Variants in UBE2E2 observed in about 807,000 individuals in gnomAD.
UBE2E2 encodes ubiquitin conjugating enzyme E2 E2.
UBE2E2 carries 6 observed loss-of-function variants against 24.7 expected under a neutral mutation model. That is an observed-to-expected ratio of 0.24 (90% CI 0.13 to 0.48). The LOEUF is 0.48. Among genes scored for constraint, UBE2E2 ranks in the 20% least tolerant of loss-of-function variants. The probability of loss-of-function intolerance (pLI) is 0.99; values close to 1 mark genes in which losing one functional copy is unlikely to be tolerated. For missense variants in UBE2E2, 169 were observed against 245.0 expected (o/e 0.69, Z 2.07); for synonymous variants, 104 against 83.6 (o/e 1.24, Z -1.33).
intron 3 of UBE2E2, among the ~76,000 whole-genome samples, chr3:23,221,917 T>G (rs539625388): frequency 1.8e-4 from 27 of 152,326 alleles, no homozygotes; most frequent in African/African-American, 6.0e-4. Context: ...AAAATATACA[T>G]ACATGATTTA....
intron 3 of UBE2E2, among the ~76,000 whole-genome samples, chr3:23,224,363 A>T (rs1240191641): frequency 1.3e-5 from 2 of 151,276 alleles, no homozygotes; most frequent in Non-Finnish European, 2.9e-5. Flanking sequence ...TCTTTGTATG[A>T]GTCTTTCACT....
At chr3:23,545,215 G>T (rs182031970) in intron 5 of UBE2E2, among the ~76,000 whole-genome samples, 27 of 152,180 alleles carry the variant, frequency 1.8e-4, no homozygotes, top group African/African-American at 6.0e-4. Context: ...ACCCTTTACG[G>T]GTGTCGGGCT....
chr3:23,203,284 C>T, upstream of UBE2E2: 1 of 987,732 alleles, frequency 1.0e-6, no homozygotes, highest in Non-Finnish European at 1.2e-6. Context: ...CGGGCGCGAG[C>T]GCGGCGGGGA....
At chr3:23,513,749 G>A (rs1694662907) in intron 4 of UBE2E2, among the ~76,000 whole-genome samples, 1 of 152,028 alleles carries the variant, frequency 6.6e-6, no homozygotes, top group Non-Finnish European at 1.5e-5. Context: ...TTATGAATCT[G>A]ATATAAATAA....
At chr3:23,303,187 C>T (rs1274097886) in intron 3 of UBE2E2, among the ~76,000 whole-genome samples, 1 of 152,028 alleles carries the variant, frequency 6.6e-6, no homozygotes, top group Non-Finnish European at 1.5e-5. Context: ...TGATCTGTCA[C>T]TGTCTCCCGT....
chr3:23,420,583 C>T lies in UBE2E2; in HGVS notation c.228-79025C>T, dbSNP rs76952110. Among the ~76,000 whole-genome samples the T allele has an allele frequency of 6.5e-4, 99 of 152,294 alleles. 5 individuals carry two copies. The East Asian group carries it at 0.016, about 24-fold the overall frequency. ...TAATGTCAGTGACTGTTTCTTGTATCTGTACTGTAAGGACAAATGCTGTTC... is the reference window on the plus strand; with the variant it reads ...TAATGTCAGTGACTGTTTCTTGTATTTGTACTGTAAGGACAAATGCTGTTC... On this transcript the variant is annotated intron_variant, in intron 3 of 5. Coordinates refer to ENST00000396703, the MANE Select transcript of UBE2E2 (RefSeq NM_152653.4).
At chr3:23,301,406 T>G (rs1300215239) in intron 3 of UBE2E2, among the ~76,000 whole-genome samples, 1 of 152,218 alleles carries the variant, frequency 6.6e-6, no homozygotes, top group East Asian at 1.9e-4. Flanking sequence ...TTCCCATGTT[T>G]GTGGTTTTAT....
chr3:23,340,493 A>C (rs1346237473), intron 3 of UBE2E2, among the ~76,000 whole-genome samples: 2 of 152,180 alleles, frequency 1.3e-5, no homozygotes, highest in Admixed American at 1.3e-4. Context: ...GTCACACCTA[A>C]TCCTTTAAAT....
intron 3 of UBE2E2, among the ~76,000 whole-genome samples, chr3:23,370,290 C>A (rs1383328023): frequency 1.3e-5 from 2 of 152,160 alleles, no homozygotes; most frequent in Non-Finnish European, 2.9e-5. Context: ...GAATCACTTT[C>A]AACTTTTTCT....
chr3:23,317,145 T>C (rs1388067440), intron 3 of UBE2E2, among the ~76,000 whole-genome samples: 1 of 152,182 alleles, frequency 6.6e-6, no homozygotes, highest in African/African-American at 2.4e-5. Context: ...CCCCCAAATG[T>C]GCTGGCTCTG....
chr3:23,323,543 C>T (rs1451127642), intron 3 of UBE2E2: 2 of 452,380 alleles, frequency 4.4e-6, no homozygotes, highest in Admixed American at 4.8e-5. Flanking sequence ...AGGAAATGCT[C>T]ATTCAATTCT....
At chr3:23,372,978 C>G (rs1408319445) in intron 3 of UBE2E2, among the ~76,000 whole-genome samples, 1 of 152,132 alleles carries the variant, frequency 6.6e-6, no homozygotes, top group Non-Finnish European at 1.5e-5. Flanking sequence ...TGTGCCCCCT[C>G]TCATTGATCC....
At chr3:23,499,069 C>T (rs1452831694) in intron 3 of UBE2E2, among the ~76,000 whole-genome samples, 1 of 152,126 alleles carries the variant, frequency 6.6e-6, no homozygotes, top group Non-Finnish European at 1.5e-5. Flanking sequence ...AGTTATAAAA[C>T]AAAATGATAC....
chr3:23,332,379 A>G (rs1415767139), intron 3 of UBE2E2, among the ~76,000 whole-genome samples: 1 of 152,156 alleles, frequency 6.6e-6, no homozygotes, highest in South Asian at 2.1e-4. Flanking sequence ...CCTGGGCTCA[A>G]GCAGTCCACC....
chr3:23,363,369 A>C (rs1214975164), intron 3 of UBE2E2, among the ~76,000 whole-genome samples: 1 of 152,254 alleles, frequency 6.6e-6, no homozygotes, highest in Non-Finnish European at 1.5e-5. Flanking sequence ...TTGGATAAAG[A>C]AGCAAGATCG....
At chr3:23,486,839 TGGCTAAAA>T (rs1478567751) in intron 3 of UBE2E2, among the ~76,000 whole-genome samples, 1 of 152,210 alleles carries the variant, frequency 6.6e-6, no homozygotes, top group Non-Finnish European at 1.5e-5. Context: ...ACCATTCGAC[TGGCTAAAA>T]GGCGTCAATG....
intron 3 of UBE2E2, among the ~76,000 whole-genome samples, chr3:23,470,494 A>G (rs1411998672): frequency 6.6e-6 from 1 of 152,232 alleles, no homozygotes; most frequent in African/African-American, 2.4e-5. Flanking sequence ...TATTTTGAAC[A>G]TCTTATTTGT....
At chr3:23,228,791 T>C (rs1301394877) in intron 3 of UBE2E2, among the ~76,000 whole-genome samples, 1 of 152,192 alleles carries the variant, frequency 6.6e-6, no homozygotes, top group Non-Finnish European at 1.5e-5. Context: ...AGCACTTTCT[T>C]CTAAAACGTT....
At chr3:23,557,293 C>G (rs1179593553) in intron 5 of UBE2E2, among the ~76,000 whole-genome samples, 5 of 152,182 alleles carry the variant, frequency 3.3e-5, no homozygotes, top group Non-Finnish European at 7.4e-5. Flanking sequence ...ACATCATTTA[C>G]TGTTGCGCAT....
Sources: allele counts gnomAD v4.1 joint callset (sites outside exome capture counted in the v4.1 genomes callset), GRCh38; gene constraint gnomAD v4.1.1; transcripts MANE v1.5; gene names NCBI Gene and HGNC (gene_info 2026-07-23, HGNC 2026-07-21).